The following KLF13 variants were observed in gnomAD, a reference collection of about 807,000 sequenced individuals.
KLF13 encodes the protein Krueppel-like factor 13.
In KLF13, 8 loss-of-function variants were observed where a neutral mutation model predicts 16.7. That is an observed-to-expected ratio of 0.48 (90% CI 0.28 to 0.87). The LOEUF is 0.87. Ranked by LOEUF, KLF13 falls within the 40% of genes least tolerant of loss-of-function variation. KLF13 has a pLI of 0.10. For missense variants in KLF13, 447 were observed against 452.2 expected, an observed-to-expected ratio of 0.99 and a Z score of 0.10; for synonymous variants, 245 against 208.4, an observed-to-expected ratio of 1.18 and a Z score of -1.51.
intron 1 of KLF13, among the ~76,000 whole-genome samples, chr15:31,345,581 A>C (rs2140942952): frequency 1.3e-5 from 2 of 152,320 alleles, no homozygotes; most frequent in African/African-American, 4.8e-5. Context: ...TGTGAGTATG[A>C]GGGTGGGACG....
chr15:31,424,431 T>C (rs1342417207), intron 1 of KLF13, among the ~76,000 whole-genome samples: 2 of 152,084 alleles, frequency 1.3e-5, no homozygotes, highest in African/African-American at 2.4e-5. Context: ...AAATCAACAA[T>C]GTAATATCAC....
intron 1 of KLF13, among the ~76,000 whole-genome samples, chr15:31,364,386 C>T (rs527623563): frequency 5.0e-4 from 76 of 152,356 alleles, no homozygotes; most frequent in Non-Finnish European, 9.6e-4. Context: ...CCAGCTCTTG[C>T]ATGTGAAGAG....
At chr15:31,393,683 G>A (rs1470485186) in exon 2 of KLF13, 1 of 152,400 alleles carries the variant, frequency 6.6e-6, no homozygotes, top group Non-Finnish European at 1.5e-5. Flanking sequence ...CGCTGCTTTG[G>A]CCTTGAAGGT....
At chr15:31,365,835 T>C (rs1048596275) in intron 1 of KLF13, among the ~76,000 whole-genome samples, 1 of 151,986 alleles carries the variant, frequency 6.6e-6, no homozygotes, top group African/African-American at 2.4e-5. Flanking sequence ...GCCTGGGACT[T>C]GGGTGTTGAG....
intron 1 of KLF13, among the ~76,000 whole-genome samples, chr15:31,426,281 A>G (rs1461849314): frequency 6.6e-6 from 1 of 152,216 alleles, no homozygotes; most frequent in African/African-American, 2.4e-5. Context: ...ATGAAATTTG[A>G]TTCTTATATC....
chr15:31,331,507 A>G (rs2038832310), intron 1 of KLF13, among the ~76,000 whole-genome samples: 1 of 149,256 alleles, frequency 6.7e-6, no homozygotes, highest in African/African-American at 2.4e-5. Flanking sequence ...GGCTCCCTGC[A>G]GGTCCTCCCT....
intron 1 of KLF13, among the ~76,000 whole-genome samples, chr15:31,333,992 A>G (rs555668450): frequency 4.1e-4 from 63 of 152,120 alleles, no homozygotes; most frequent in African/African-American, 1.4e-3. Flanking sequence ...GTCCTACTGC[A>G]GGATCACATG....
intron 1 of KLF13, among the ~76,000 whole-genome samples, chr15:31,330,532 T>C (rs1051217166): frequency 3.3e-5 from 5 of 152,220 alleles, no homozygotes; most frequent in Non-Finnish European, 4.4e-5. Context: ...AGGTCAAGTA[T>C]GTGAAGACCC....
At chr15:31,420,158 A>T in intron 1 of KLF13, 3 of 499,148 alleles carry the variant, frequency 6.0e-6, no homozygotes, top group Non-Finnish European at 1.1e-5. Flanking sequence ...CCCAGCAGCC[A>T]CTAGTGTCGT....
At chr15:31,401,862 C>G (rs977984124) in intron 2 of KLF13, among the ~76,000 whole-genome samples, 28 of 152,198 alleles carry the variant, frequency 1.8e-4, no homozygotes, top group African/African-American at 6.0e-4. Flanking sequence ...ACTGTCTCAC[C>G]ATTTGTGACC....
chr15:31,382,567 T>A (rs2039739246), downstream of KLF13, among the ~76,000 whole-genome samples: 1 of 152,020 alleles, frequency 6.6e-6, no homozygotes, highest in Non-Finnish European at 1.5e-5. Context: ...GCTGGTGACT[T>A]AGCATTTTTC....
intron 1 of KLF13, among the ~76,000 whole-genome samples, chr15:31,358,836 T>C (rs1384253925): frequency 1.3e-5 from 2 of 152,194 alleles, no homozygotes; most frequent in African/African-American, 4.8e-5. Flanking sequence ...AGCAGTCACA[T>C]TGCCTCCCGA....
chr15:31,399,926 A>AGTG lies in KLF13; in HGVS notation n.530-3500_530-3498dup, dbSNP rs2040010646. Among the ~76,000 whole-genome samples the AGTG allele has an allele frequency of 2.0e-5, 3 of 152,218 alleles. No homozygotes were observed. The South Asian group carries it at 6.2e-4, about 31-fold the overall frequency. ...TTTGCTTTCCTAGGCCCCTTTGCTCAGTGGCTCTTCAAAGCTTTAGCTGCC... is the reference window on the plus strand; with the variant it reads ...TTTGCTTTCCTAGGCCCCTTTGCTCAGTGGTGGCTCTTCAAAGCTTTAGCTGCC... On this transcript the variant is annotated intron_variant and non_coding_transcript_variant, in intron 2 of 2. Transcript: ENST00000500533.
At position 31,377,201 on chromosome 15, in the gene KLF13, A is replaced by C. The variant is rs1386248462; in HGVS notation, c.*4902A>C. 6.6e-6 allele frequency: 1 copy of C among 152,634 alleles called. No individual in the cohort carries two copies. The highest frequency in any genetic ancestry group is 2.4e-5 in the African/African-American group (1 of 41,436). 9.5% of individuals were successfully genotyped at this position (152,634 alleles called of 1,614,324 possible). ...TGAGAGGAGCAAGAGGCCACCTCCC[A>C]TGTGGCTCTAGACACCACGTGGGCT... is the stretch of plus-strand genomic sequence containing the variant. On this transcript the variant is annotated 3_prime_UTR_variant, in exon 2 of 2. Coordinates refer to ENST00000307145, the MANE Select transcript of KLF13 (RefSeq NM_015995.4).
At chr15:31,370,299 A>G (rs950098142) in intron 1 of KLF13, among the ~76,000 whole-genome samples, 2 of 150,854 alleles carry the variant, frequency 1.3e-5, no homozygotes, top group African/African-American at 4.9e-5. Context: ...ACATCCACAT[A>G]TTTTCCAGAA....
At chr15:31,359,433 T>A (rs1442435664) in intron 1 of KLF13, among the ~76,000 whole-genome samples, 1 of 152,328 alleles carries the variant, frequency 6.6e-6, no homozygotes, top group South Asian at 2.1e-4. Flanking sequence ...TGCAAACTAG[T>A]GCTATTCCCT....
intron 1 of KLF13, among the ~76,000 whole-genome samples, chr15:31,347,138 C>A (rs931553784): frequency 6.6e-6 from 1 of 152,196 alleles, no homozygotes; most frequent in African/African-American, 2.4e-5. Context: ...GATTTGGACA[C>A]CCTCCTGGGA....
At chr15:31,387,816 A>G (rs908089276) in intron 1 of KLF13, among the ~76,000 whole-genome samples, 1 of 152,226 alleles carries the variant, frequency 6.6e-6, no homozygotes, top group Non-Finnish European at 1.5e-5. Flanking sequence ...GATGTCCGTG[A>G]CAGGGCTGTG....
chr15:31,363,421 C>T (rs147701468), intron 1 of KLF13, among the ~76,000 whole-genome samples: 2 of 152,168 alleles, frequency 1.3e-5, no homozygotes, highest in Non-Finnish European at 2.9e-5. Flanking sequence ...TGTCAGTTAT[C>T]TCTTGCCTTT....
Sources: allele counts gnomAD v4.1 joint callset (sites outside exome capture counted in the v4.1 genomes callset), GRCh38; gene constraint gnomAD v4.1.1; transcripts MANE v1.5; gene names NCBI Gene and HGNC (gene_info 2026-07-23, HGNC 2026-07-21).